PIK3CB: variants seen among roughly 807,000 people sequenced by gnomAD.
PIK3CB encodes phosphatidylinositol-4,5-bisphosphate 3-kinase catalytic subunit beta.
Under a neutral mutation model 136.8 loss-of-function variants are expected in PIK3CB, and 39 were observed. That is an observed-to-expected ratio of 0.29 (90% CI 0.22 to 0.37). PIK3CB has a LOEUF of 0.37. Among genes scored for constraint, PIK3CB ranks in the 10% least tolerant of loss-of-function variants. The pLI is 1.00. For synonymous variants in PIK3CB, 428 were observed against 436.6 expected (o/e 0.98, Z 0.25); for missense variants, 868 against 1,275.4 (o/e 0.68, Z 4.87).
chr3:138,711,246 A>T (rs1397434548), intron 10 of PIK3CB, among the ~76,000 whole-genome samples: 3 of 151,488 alleles, frequency 2.0e-5, no homozygotes, highest in East Asian at 1.9e-4. Context: ...CCTACAAAAA[A>T]TGCTGAAAGC....
At chr3:138,772,297 A>G (rs2108766651) in intron 2 of PIK3CB, among the ~76,000 whole-genome samples, 1 of 152,320 alleles carries the variant, frequency 6.6e-6, no homozygotes, top group South Asian at 2.1e-4. Context: ...AAAAGTAACT[A>G]TAAAATAAAT....
At chr3:138,756,111 G>A in intron 3 of PIK3CB, 132 bp from the exon 4 acceptor site, 1 of 453,660 alleles carries the variant, frequency 2.2e-6, no homozygotes, top group Non-Finnish European at 3.9e-6. Context: ...AGCAATAAAA[G>A]ATTGGTTAAA....
chr3:138,745,636 A>C (rs2108681246), intron 4 of PIK3CB, among the ~76,000 whole-genome samples: 1 of 152,240 alleles, frequency 6.6e-6, no homozygotes, highest in South Asian at 2.1e-4. Context: ...CCATCTCAAA[A>C]AAAAAGGCAG....
At position 138,722,340 on chromosome 3, in the gene PIK3CB, G is replaced by A. The variant is rs138660402; in HGVS notation, c.1051-7621C>T. Among the ~76,000 whole-genome samples the A allele has an allele frequency of 4.9e-4, 75 of 151,818 alleles. No individual in the cohort carries two copies. In the East Asian group the frequency reaches 0.011, roughly 23 times the overall value. Reference sequence around the variant, plus strand: ...ACAAAACATACATAAAATATATTTTGCATCTGTTGTATGGGAGGTTATAAG... The same window carrying A: ...ACAAAACATACATAAAATATATTTTACATCTGTTGTATGGGAGGTTATAAG... On this transcript the variant is annotated intron_variant, in intron 8 of 23. Coordinates refer to ENST00000674063, the MANE Select transcript of PIK3CB (RefSeq NM_006219.3).
intron 8 of PIK3CB, among the ~76,000 whole-genome samples, chr3:138,725,890 G>A (rs1028346419): frequency 2.6e-5 from 4 of 152,118 alleles, no homozygotes; most frequent in Admixed American, 2.6e-4. Context: ...TTCTTTATGT[G>A]TCAACTAATT....
intron 1 of PIK3CB, among the ~76,000 whole-genome samples, chr3:138,813,222 T>C (rs1312266017): frequency 6.6e-6 from 1 of 152,100 alleles, no homozygotes; most frequent in Non-Finnish European, 1.5e-5. Context: ...AGCTTTTCTG[T>C]CAAGAGAATC....
At position 138,714,504 on chromosome 3, in the gene PIK3CB, G is replaced by C; in HGVS notation, c.1266C>G (p.Pro422=). ...CTTTCCTGATGGTCTGATATTTAGA[G>C]GGATTAATAGTTTTCGTTGATTTCT... ...KTKKSTKTIN[P]SKYQTIRKAG... Residue 422 remains proline, a synonymous_variant, in exon 9 of 24, where the codon CCC becomes CCG. Transcript: ENST00000674063. 1 of 1,610,378 alleles carries C rather than the reference G, an allele frequency of 6.2e-7. No homozygotes were observed. The highest frequency in any genetic ancestry group is 1.3e-5 in the African/African-American group (1 of 74,876).
intron 8 of PIK3CB, among the ~76,000 whole-genome samples, chr3:138,724,120 C>A (rs1371002490): frequency 6.6e-6 from 1 of 152,150 alleles, no homozygotes; most frequent in Non-Finnish European, 1.5e-5. Context: ...TTCCATAAGA[C>A]TGACTTCCAA....
chr3:138,816,663 GAC>G (rs1392880783), intron 1 of PIK3CB, among the ~76,000 whole-genome samples: 2 of 151,942 alleles, frequency 1.3e-5, no homozygotes, highest in East Asian at 3.9e-4. Context: ...ACCACAAGGT[GAC>G]AGTTTCACTG....
chr3:138,783,915 A>C (rs1383976710), intron 2 of PIK3CB, among the ~76,000 whole-genome samples: 9 of 152,206 alleles, frequency 5.9e-5, no homozygotes, highest in Non-Finnish European at 4.4e-5. Flanking sequence ...CCAAAAGCCC[A>C]AATAACCCAT....
At chr3:138,750,448 C>T (rs1267359043) in intron 4 of PIK3CB, among the ~76,000 whole-genome samples, 1 of 152,146 alleles carries the variant, frequency 6.6e-6, no homozygotes, top group East Asian at 1.9e-4. Context: ...CAACCTAGAT[C>T]CCTCACATGT....
In PIK3CB at chr3:138,683,739, C is replaced by T; in HGVS notation, c.2364G>A (p.Leu788=). The T allele has an allele frequency of 6.2e-7, 1 of 1,609,468 alleles. No individual in the cohort carries two copies. Among genetic ancestry groups the T allele is most frequent in the African/African-American group, 1.3e-5 (1 of 74,940 alleles). Residue 788 remains leucine, a synonymous_variant, in exon 18 of 24, where the codon CTG becomes CTA. Coordinates refer to ENST00000674063, the MANE Select transcript of PIK3CB (RefSeq NM_006219.3). ...CACCAAATACCTTGTTATTGTATACCAGCCACAAAGGCTTCATTTTGGAAT... is the reference window on the plus strand; with the variant it reads ...CACCAAATACCTTGTTATTGTATACTAGCCACAAAGGCTTCATTTTGGAAT... ...YMDSKMKPLW[L]VYNNKVFGED... is the part of the protein sequence containing the mutation.
intron 13 of PIK3CB, among the ~76,000 whole-genome samples, chr3:138,696,790 A>G (rs1044770005): frequency 6.6e-6 from 1 of 152,242 alleles, no homozygotes; most frequent in African/African-American, 2.4e-5. Context: ...CTAATGGACC[A>G]GCAGTCTTCT....
intron 8 of PIK3CB, among the ~76,000 whole-genome samples, chr3:138,724,034 C>CT (rs1352527177): frequency 6.6e-6 from 1 of 152,206 alleles, no homozygotes; most frequent in Non-Finnish European, 1.5e-5. Context: ...ACTCTCTGGA[C>CT]ACCAATTGGG....
chr3:138,722,534 C>A (rs2108608608), intron 8 of PIK3CB, among the ~76,000 whole-genome samples: 2 of 151,850 alleles, frequency 1.3e-5, no homozygotes, highest in Middle Eastern at 3.4e-3. Context: ...GAAATAAAGA[C>A]AAATAAGTTC....
chr3:138,809,654 T>C (rs968290352), intron 1 of PIK3CB, among the ~76,000 whole-genome samples: 8 of 151,248 alleles, frequency 5.3e-5, no homozygotes, highest in Admixed American at 2.0e-4. Context: ...TTTTCACTAT[T>C]GGAGTAGGAG....
chr3:138,729,212 C>T (rs558239638), intron 8 of PIK3CB, among the ~76,000 whole-genome samples: 4 of 148,376 alleles, frequency 2.7e-5, no homozygotes, highest in Admixed American at 1.4e-4. Context: ...ACCCGGGAGG[C>T]GGAGGTTGCA....
chr3:138,688,836 CA>C, intron 16 of PIK3CB, 38 bp downstream of exon 16: 2 of 1,337,360 alleles, frequency 1.5e-6, no homozygotes, highest in Non-Finnish European at 2.1e-6. Context: ...CGTTGTCTGT[CA>C]AAAAAAGAAA....
chr3:138,702,011 G>A (rs1448303634), intron 12 of PIK3CB, among the ~76,000 whole-genome samples: 1 of 150,898 alleles, frequency 6.6e-6, no homozygotes, highest in Admixed American at 6.6e-5. Flanking sequence ...TATAAAGTTA[G>A]GATTGATAGC....
Sources: allele counts gnomAD v4.1 joint callset (sites outside exome capture counted in the v4.1 genomes callset), GRCh38; gene constraint gnomAD v4.1.1; transcripts MANE v1.5; gene names NCBI Gene and HGNC (gene_info 2026-07-23, HGNC 2026-07-21).